FAM120A: variants seen among roughly 807,000 people sequenced by gnomAD.
FAM120A encodes the protein family with sequence similarity 120 member A, also known as constitutive coactivator of PPAR-gamma-like protein 1.
A neutral mutation model predicts 109.7 loss-of-function variants in FAM120A; 15 were observed. That is an observed-to-expected ratio of 0.14 (90% CI 0.09 to 0.21). The LOEUF (loss-of-function observed/expected upper bound fraction) is 0.21. FAM120A is among the 10% of genes least tolerant of loss of function. The probability of loss-of-function intolerance (pLI) is 1.00; values close to 1 mark genes in which losing one functional copy is unlikely to be tolerated. For missense variants in FAM120A, 899 were observed against 1,439.3 expected, an observed-to-expected ratio of 0.62 and a Z score of 6.07; for synonymous variants, 493 against 572.8, an observed-to-expected ratio of 0.86 and a Z score of 1.99.
Position 93,453,369 on chromosome 9 carries a change from A to G in FAM120A, c.474+980A>G, listed in dbSNP as rs904953365. The G allele has an allele frequency of 2.8e-4, 272 of 985,412 alleles. 2 individuals are homozygous for G. The highest frequency in any genetic ancestry group is 1.1e-4 in the Non-Finnish European group (94 of 829,994). 61.0% of individuals were successfully genotyped at this position (985,412 alleles called of 1,614,324 possible). A position where few individuals can be genotyped will look rare whatever the true frequency, so the allele number is the denominator to read the frequency against. Reference sequence around the variant, plus strand: ...AGTGACTGTGAAGATAAGCACATCCATGATCCTGGACTTCACGTTCTGATT... The same window carrying G: ...AGTGACTGTGAAGATAAGCACATCCGTGATCCTGGACTTCACGTTCTGATT... On this transcript the variant is annotated intron_variant, in intron 1 of 17. Coordinates refer to ENST00000277165, the MANE Select transcript of FAM120A (RefSeq NM_014612.5).
At chr9:93,503,177 C>T (rs771462452) in intron 5 of FAM120A, among the ~76,000 whole-genome samples, 4 of 152,170 alleles carry the variant, frequency 2.6e-5, no homozygotes, top group African/African-American at 7.2e-5. Flanking sequence ...AATGGTACAG[C>T]GACTTTGGAA....
chr9:93,459,537 A>C (rs1198585247), intron 1 of FAM120A, among the ~76,000 whole-genome samples: 2 of 152,212 alleles, frequency 1.3e-5, no homozygotes, highest in Non-Finnish European at 2.9e-5. Context: ...TGAACAGAAC[A>C]GGAAAGGAAG....
intron 1 of FAM120A, among the ~76,000 whole-genome samples, chr9:93,461,056 T>C (rs16909167): frequency 0.044 from 6,759 of 152,280 alleles, 255 homozygotes; most frequent in African/African-American, 0.093. Flanking sequence ...AGAGTTGAAC[T>C]TGACCCACTG....
chr9:93,508,446 CTG>C (rs1481835812), intron 5 of FAM120A, among the ~76,000 whole-genome samples: 1 of 152,200 alleles, frequency 6.6e-6, no homozygotes, highest in African/African-American at 2.4e-5. Flanking sequence ...CCAGACCAGA[CTG>C]TGTCTGAGGG....
intron 10 of FAM120A, among the ~76,000 whole-genome samples, chr9:93,534,830 CT>C (rs148789460): frequency 0.021 from 3,170 of 152,122 alleles, 109 homozygotes; most frequent in African/African-American, 0.071. Flanking sequence ...TTGGGGCCAT[CT>C]TTGTTGGTGA....
At chr9:93,559,450 C>T (rs1862400800) in intron 15 of FAM120A, among the ~76,000 whole-genome samples, 1 of 152,234 alleles carries the variant, frequency 6.6e-6, no homozygotes, top group South Asian at 2.1e-4. Context: ...TCTTGATCAA[C>T]AATGTTTTTC....
chr9:93,464,445 A>G (rs150181723), intron 1 of FAM120A, among the ~76,000 whole-genome samples: 19 of 152,278 alleles, frequency 1.2e-4, no homozygotes, highest in African/African-American at 4.6e-4. Context: ...AATGACACCT[A>G]CCATATTTCT....
At position 93,471,189 on chromosome 9, in the gene FAM120A, A is replaced by G; in HGVS notation, c.523A>G (p.Arg175Gly). The G allele has an allele frequency of 6.2e-7, 1 of 1,614,194 alleles. No individual in the cohort carries two copies. The highest frequency in any genetic ancestry group is 8.5e-7 in the Non-Finnish European group (1 of 1,180,040). ...CCATCAGGAAGTGATTGGTTTCTGC[A>G]GAGAGAATGGTTTCCATGGCTTGGT... ...DHHQEVIGFC[R>G]ENGFHGLVAY... The change falls in exon 2 of 18, where the codon AGA (arginine) becomes GGA (glycine). Residue 175 changes from arginine (R) to glycine (G), a missense_variant. By Grantham distance (125) the Arg-to-Gly change is moderately radical. Transcript: ENST00000277165.
intron 3 of FAM120A, among the ~76,000 whole-genome samples, chr9:93,492,256 T>C (rs1376897427): frequency 6.6e-6 from 1 of 152,208 alleles, no homozygotes; most frequent in Non-Finnish European, 1.5e-5. Context: ...ATATATGCTT[T>C]TATCATGTTA....
At chr9:93,520,313 G>C (rs972565350) in intron 7 of FAM120A, among the ~76,000 whole-genome samples, 1 of 152,124 alleles carries the variant, frequency 6.6e-6, no homozygotes, top group Non-Finnish European at 1.5e-5. Flanking sequence ...GATCATACCT[G>C]TGAATGGCCA....
intron 12 of FAM120A, 103 bp downstream of exon 12, chr9:93,550,794 A>T: frequency 1.3e-6 from 1 of 777,064 alleles, no homozygotes; most frequent in East Asian, 2.7e-5. Context: ...CTTTAAACTA[A>T]TTGCTTTAGT....
intron 11 of FAM120A, among the ~76,000 whole-genome samples, chr9:93,547,641 T>C (rs992499279): frequency 1.3e-5 from 2 of 152,142 alleles, no homozygotes; most frequent in African/African-American, 2.4e-5. Flanking sequence ...GCACATTAAG[T>C]GACATGTTCA....
At position 93,452,808 on chromosome 9, in the gene FAM120A, G is replaced by C. The variant is rs1857330164; in HGVS notation, c.474+419G>C. 6.3e-7 allele frequency: 1 copy of C among 1,583,920 alleles called. No individual in the cohort carries two copies. The highest frequency in any genetic ancestry group is 1.3e-5 in the African/African-American group (1 of 74,472). On this transcript the variant is annotated intron_variant, in intron 1 of 17. Transcript: ENST00000277165. The surrounding 1 kb of genome is among the most constrained non-coding windows in gnomAD (Gnocchi z 7.0). ...CTTTCCCAGCAACAGGTTCATCTTGGAAGCAGGCAGGATACAGAGTAATAG... is the reference window on the plus strand; with the variant it reads ...CTTTCCCAGCAACAGGTTCATCTTGCAAGCAGGCAGGATACAGAGTAATAG...
At chr9:93,511,785 G>A (rs1262659892) in intron 5 of FAM120A, among the ~76,000 whole-genome samples, 1 of 152,132 alleles carries the variant, frequency 6.6e-6, no homozygotes, top group African/African-American at 2.4e-5. Flanking sequence ...ATCATACAAT[G>A]TCTGCCTGTT....
At chr9:93,545,250 G>A (rs182454940) in intron 11 of FAM120A, among the ~76,000 whole-genome samples, 16 of 152,280 alleles carry the variant, frequency 1.1e-4, no homozygotes, top group African/African-American at 3.4e-4. Flanking sequence ...GAACTTTGCC[G>A]CCCTGGCCCT....
At chr9:93,546,603 C>CCACTCT (rs1861901107) in intron 11 of FAM120A, among the ~76,000 whole-genome samples, 1 of 152,196 alleles carries the variant, frequency 6.6e-6, no homozygotes, top group African/African-American at 2.4e-5. Context: ...GTCTCCCAGC[C>CCACTCT]CACTCTTTTG....
chr9:93,556,646 G>T, intron 13 of FAM120A, 55 bp downstream of exon 13: 3 of 1,499,484 alleles, frequency 2.0e-6, no homozygotes, highest in Non-Finnish European at 2.8e-6. Context: ...AAGCTCACTG[G>T]TTAAATCTGT....
chr9:93,455,875 C>CTGG (rs1363168643), intron 1 of FAM120A, among the ~76,000 whole-genome samples: 2 of 152,110 alleles, frequency 1.3e-5, no homozygotes, highest in Non-Finnish European at 2.9e-5. Context: ...CTTGGCCAGG[C>CTGG]TGGTCTTGAG....
intron 1 of FAM120A, chr9:93,453,004 G>T: frequency 1.6e-6 from 2 of 1,247,630 alleles, no homozygotes; most frequent in South Asian, 1.9e-5. Flanking sequence ...GGTGTTTAGA[G>T]AATCTTTCTA....
Sources: allele counts gnomAD v4.1 joint callset (sites outside exome capture counted in the v4.1 genomes callset), GRCh38; gene constraint gnomAD v4.1.1; non-coding constraint Gnocchi (gnomAD v3.1); transcripts MANE v1.5; gene names NCBI Gene and HGNC (gene_info 2026-07-23, HGNC 2026-07-21).